PTPRK: variants seen among roughly 807,000 people sequenced by gnomAD.
PTPRK encodes the protein receptor-type tyrosine-protein phosphatase kappa.
In PTPRK, 75 loss-of-function variants were observed where a neutral mutation model predicts 178.0. That is an observed-to-expected ratio of 0.42 (90% CI 0.35 to 0.51). PTPRK has a LOEUF of 0.51. Ranked by LOEUF, PTPRK falls within the 20% of genes least tolerant of loss-of-function variation. The probability of loss-of-function intolerance (pLI) is 0.02; values close to 1 mark genes in which losing one functional copy is unlikely to be tolerated. For synonymous variants in PTPRK, 637 were observed against 620.6 expected, an observed-to-expected ratio of 1.03 and a Z score of -0.39; for missense variants, 1,441 against 1,797.8, an observed-to-expected ratio of 0.80 and a Z score of 3.59.
At chr6:128,188,960 CT>C (rs2114712126) in intron 6 of PTPRK, among the ~76,000 whole-genome samples, 1 of 152,280 alleles carries the variant, frequency 6.6e-6, no homozygotes, top group African/African-American at 2.4e-5. Flanking sequence ...ACATCCTTAA[CT>C]TAATCACACC....
intron 1 of PTPRK, among the ~76,000 whole-genome samples, chr6:128,492,857 C>T (rs994429446): frequency 2.6e-5 from 4 of 152,190 alleles, no homozygotes; most frequent in African/African-American, 9.7e-5. Flanking sequence ...TCCACCTATC[C>T]TTTCCAAGCC....
chr6:128,074,774 T>G (rs1284252701), intron 11 of PTPRK, among the ~76,000 whole-genome samples: 4 of 152,010 alleles, frequency 2.6e-5, no homozygotes, highest in South Asian at 4.1e-4. Context: ...AGAAGGACAA[T>G]GTGGTTGGTG....
At chr6:128,280,770 T>C (rs1304691536) in intron 3 of PTPRK, among the ~76,000 whole-genome samples, 9 of 152,144 alleles carry the variant, frequency 5.9e-5, no homozygotes, top group African/African-American at 2.2e-4. Context: ...ATTTAAATTT[T>C]CAAACAGAAT....
chr6:128,146,426 G>A (rs1438762334), intron 7 of PTPRK, among the ~76,000 whole-genome samples: 1 of 109,264 alleles, frequency 9.2e-6, no homozygotes, highest in Non-Finnish European at 1.8e-5. Flanking sequence ...GTGTGTTTAT[G>A]TGTGTGTGTG....
intron 3 of PTPRK, among the ~76,000 whole-genome samples, chr6:128,276,522 A>G (rs1820747790): frequency 6.6e-6 from 1 of 152,162 alleles, no homozygotes; most frequent in Admixed American, 6.6e-5. Context: ...AATAAAGCTC[A>G]AACATGTTTA....
At chr6:128,210,941 C>T (rs191959092) in intron 6 of PTPRK, among the ~76,000 whole-genome samples, 1 of 152,124 alleles carries the variant, frequency 6.6e-6, no homozygotes, top group Non-Finnish European at 1.5e-5. Flanking sequence ...ATCTATGACT[C>T]CAAATCAAGC....
intron 3 of PTPRK, among the ~76,000 whole-genome samples, chr6:128,243,488 T>TAAAAAAAAAAAAAAAA (rs760606919): frequency 2.9e-4 from 17 of 59,100 alleles, no homozygotes; most frequent in South Asian, 6.8e-4. Context: ...AGCCTGTCGC[T>TAAAAAAAAAAAAAAAA]AAAAAAAAAA....
intron 7 of PTPRK, among the ~76,000 whole-genome samples, chr6:128,119,861 A>T (rs756136415): frequency 2.6e-5 from 4 of 152,048 alleles, no homozygotes; most frequent in Non-Finnish European, 5.9e-5. Context: ...TGTATTCAGC[A>T]ATAGCTATAT....
At chr6:128,258,173 C>T (rs952574312) in intron 3 of PTPRK, among the ~76,000 whole-genome samples, 3 of 151,974 alleles carry the variant, frequency 2.0e-5, no homozygotes, top group Admixed American at 1.3e-4. Context: ...AGAAATAAGG[C>T]CTTTAAGAAA....
At chr6:128,336,201 T>C (rs1022149558) in intron 2 of PTPRK, among the ~76,000 whole-genome samples, 6 of 151,594 alleles carry the variant, frequency 4.0e-5, no homozygotes, top group Non-Finnish European at 8.8e-5. Flanking sequence ...GTTTTTTTTT[T>C]TGTTTTTTTT....
At chr6:128,246,433 T>C (rs1381124687) in intron 3 of PTPRK, among the ~76,000 whole-genome samples, 1 of 152,032 alleles carries the variant, frequency 6.6e-6, no homozygotes, top group African/African-American at 2.4e-5. Flanking sequence ...TAATTGGTTC[T>C]TTATTTAAAA....
chr6:128,260,939 C>T (rs1335137473), intron 3 of PTPRK, among the ~76,000 whole-genome samples: 2 of 152,132 alleles, frequency 1.3e-5, no homozygotes, highest in African/African-American at 4.8e-5. Context: ...AATTGCAAAA[C>T]AAACATGCAT....
At chr6:128,138,324 C>A (rs1795299210) in intron 7 of PTPRK, among the ~76,000 whole-genome samples, 1 of 152,060 alleles carries the variant, frequency 6.6e-6, no homozygotes, top group African/African-American at 2.4e-5. Flanking sequence ...AGTTACAAAT[C>A]TGATTATTTC....
chr6:128,387,659 T>A (rs568708306), intron 2 of PTPRK, among the ~76,000 whole-genome samples: 2 of 152,292 alleles, frequency 1.3e-5, no homozygotes, highest in South Asian at 4.1e-4. Flanking sequence ...TGGAGGTTTT[T>A]TTAAATAAAG....
Position 128,136,952 on chromosome 6 carries a change from C to G in PTPRK, c.1163-46960G>C, listed in dbSNP as rs144363599. On this transcript the variant is annotated intron_variant, in intron 7 of 29. Transcript: ENST00000368226. ...AGTGGACCTTATTGTTCTCCAATAGCCCAGTGCACTAAGTTCAGAACTGCT... is the reference window on the plus strand; with the variant it reads ...AGTGGACCTTATTGTTCTCCAATAGGCCAGTGCACTAAGTTCAGAACTGCT... Among the ~76,000 whole-genome samples, 91 of 152,216 alleles carry G rather than the reference C, an allele frequency of 6.0e-4. No individual in the cohort carries two copies. In the East Asian group the frequency reaches 0.014, roughly 23 times the overall value.
At chr6:128,233,112 T>C (rs185423736) in intron 5 of PTPRK, among the ~76,000 whole-genome samples, 120 of 152,348 alleles carry the variant, frequency 7.9e-4, no homozygotes, top group African/African-American at 2.8e-3. Context: ...AGTGTCAGGA[T>C]AGTAAAATCT....
At chr6:128,051,567 A>G (rs1779001268) in intron 13 of PTPRK, among the ~76,000 whole-genome samples, 1 of 151,994 alleles carries the variant, frequency 6.6e-6, no homozygotes, top group African/African-American at 2.4e-5. Flanking sequence ...TTCTTGGTAT[A>G]TCTTCCTTTC....
intron 2 of PTPRK, among the ~76,000 whole-genome samples, chr6:128,386,965 G>A (rs1282269745): frequency 6.6e-6 from 1 of 152,156 alleles, no homozygotes; most frequent in Non-Finnish European, 1.5e-5. Context: ...CTACTCAGGT[G>A]GCTGAGGCAG....
At chr6:128,202,530 A>G (rs574922152) in intron 6 of PTPRK, among the ~76,000 whole-genome samples, 2 of 152,130 alleles carry the variant, frequency 1.3e-5, no homozygotes, top group Admixed American at 1.3e-4. Flanking sequence ...GGAGCCAAGC[A>G]GTGTTGTTCT....
Sources: allele counts gnomAD v4.1 joint callset (sites outside exome capture counted in the v4.1 genomes callset), GRCh38; gene constraint gnomAD v4.1.1; transcripts MANE v1.5; gene names NCBI Gene and HGNC (gene_info 2026-07-23, HGNC 2026-07-21).